CNTN4: variants seen among roughly 807,000 people sequenced by gnomAD.
CNTN4 encodes the protein contactin 4.
Under a neutral mutation model 122.5 loss-of-function variants are expected in CNTN4, and 77 were observed. The observed-to-expected ratio is 0.63, with a 90% CI of 0.52 to 0.76. CNTN4 has a LOEUF of 0.76. Ranked by LOEUF, CNTN4 falls within the 30% of genes least tolerant of loss-of-function variation. CNTN4 has a pLI of 0.00. For missense variants in CNTN4, 1,256 were observed against 1,259.1 expected (o/e 1.00, Z 0.04); for synonymous variants, 512 against 447.0 (o/e 1.15, Z -1.83).
At chr3:2,792,030 CATT>C (rs1275475283) in intron 6 of CNTN4, among the ~76,000 whole-genome samples, 2 of 152,170 alleles carry the variant, frequency 1.3e-5, no homozygotes, top group Non-Finnish European at 2.9e-5. Context: ...CCGTGGCACA[CATT>C]TACCTGTGTA....
intron 2 of CNTN4, among the ~76,000 whole-genome samples, chr3:2,307,613 GT>G (rs34953174): frequency 6.6e-6 from 1 of 151,682 alleles, no homozygotes; most frequent in Non-Finnish European, 1.5e-5. Context: ...TTCCTTGAGT[GT>G]TTTTTTATCA....
intron 3 of CNTN4, among the ~76,000 whole-genome samples, chr3:2,552,283 A>G (rs2078540814): frequency 6.6e-6 from 1 of 152,220 alleles, no homozygotes; most frequent in Non-Finnish European, 1.5e-5. Context: ...CGTTTTAGGA[A>G]TGCTGTAGAT....
At chr3:2,679,418 T>C (rs1483512356) in intron 4 of CNTN4, among the ~76,000 whole-genome samples, 1 of 152,148 alleles carries the variant, frequency 6.6e-6, no homozygotes, top group Non-Finnish European at 1.5e-5. Context: ...GCTCATTTTT[T>C]CTTAGTTGAT....
intron 3 of CNTN4, among the ~76,000 whole-genome samples, chr3:2,507,509 G>A (rs1477447787): frequency 6.6e-6 from 1 of 151,870 alleles, no homozygotes; most frequent in African/African-American, 2.4e-5. Flanking sequence ...GATCTTGTGG[G>A]CAGATCACAA....
At chr3:2,310,126 G>A (rs1451487330) in intron 2 of CNTN4, among the ~76,000 whole-genome samples, 1 of 151,986 alleles carries the variant, frequency 6.6e-6, no homozygotes, top group Non-Finnish European at 1.5e-5. Context: ...CCAGATGGAT[G>A]GATGGATGAA....
chr3:2,256,855 C>G (rs1309126291), intron 2 of CNTN4, among the ~76,000 whole-genome samples: 5 of 152,100 alleles, frequency 3.3e-5, no homozygotes, highest in Non-Finnish European at 1.5e-5. Flanking sequence ...ATGAAAATGG[C>G]CATAAGGTAA....
chr3:2,766,825 G>T (rs1251273417), intron 6 of CNTN4, among the ~76,000 whole-genome samples: 1 of 152,156 alleles, frequency 6.6e-6, no homozygotes, highest in Non-Finnish European at 1.5e-5. Context: ...TTCGCCATAT[G>T]TCTCTTTTAT....
At chr3:2,575,809 CTTTTTT>C (rs56303805) in intron 4 of CNTN4, among the ~76,000 whole-genome samples, 1,023 of 101,032 alleles carry the variant, frequency 0.01, 4 homozygotes, top group African/African-American at 0.032. Context: ...TCTTCTTCTT[CTTTTTT>C]TTTTTTTTTT....
intron 2 of CNTN4, among the ~76,000 whole-genome samples, chr3:2,208,918 A>G (rs531845217): frequency 9.2e-5 from 14 of 152,158 alleles, no homozygotes; most frequent in East Asian, 3.9e-4. Flanking sequence ...CTAAAAAACA[A>G]TGCACACCAG....
At chr3:2,182,854 G>C (rs1275400270) in intron 2 of CNTN4, among the ~76,000 whole-genome samples, 2 of 151,304 alleles carry the variant, frequency 1.3e-5, no homozygotes, top group South Asian at 2.1e-4. Context: ...CTCCTGAATG[G>C]TTTTGTTCAA....
At position 2,937,353 on chromosome 3, in the gene CNTN4, C is replaced by A. The variant is rs2094575911; in HGVS notation, c.1358+11574C>A. On this transcript the variant is annotated intron_variant, in intron 13 of 24. Transcript: ENST00000418658. Reference sequence around the variant, plus strand: ...CTGAACTCCCTGGAGAAATCAGAGCCCAAGGGAGCTTTAAATGTGAAGACA... The same window carrying A: ...CTGAACTCCCTGGAGAAATCAGAGCACAAGGGAGCTTTAAATGTGAAGACA... 2.6e-5 allele frequency among the ~76,000 whole-genome samples: 4 copies of A among 151,986 alleles called. No homozygotes were observed. In the South Asian group the frequency reaches 8.3e-4, roughly 32 times the overall value.
chr3:2,130,828 G>A (rs117031199), intron 2 of CNTN4, among the ~76,000 whole-genome samples: 8 of 152,256 alleles, frequency 5.3e-5, no homozygotes, highest in East Asian at 1.9e-4. Flanking sequence ...ATTTTAGAAC[G>A]GTAGTATGCT....
chr3:2,248,610 T>C (rs986428827), intron 2 of CNTN4, among the ~76,000 whole-genome samples: 1 of 152,002 alleles, frequency 6.6e-6, no homozygotes, highest in African/African-American at 2.4e-5. Flanking sequence ...CAATCAAAGC[T>C]CTACAAGCCT....
rs1310118644 is a variant in CNTN4, at chr3:2,736,295, G to T, written c.136G>T (p.Val46Leu). The T allele has an allele frequency of 6.2e-7, 1 of 1,613,720 alleles. No individual in the cohort carries two copies. The highest frequency in any genetic ancestry group is 1.3e-5 in the African/African-American group (1 of 74,986). The change falls in exon 5 of 25, where the codon GTG becomes TTG. Residue 46 changes from valine (V) to leucine (L), a missense_variant. Physicochemically the swap from Val to Leu is conservative, Grantham distance 32. Coordinates refer to ENST00000418658, the MANE Select transcript of CNTN4 (RefSeq NM_175607.3). ...CCCTTTGGATTCTGAGGAGAAAAAA[G>T]TGAAGCTCAATTGTGAAGTTAAAGG... is the stretch of plus-strand genomic sequence containing the variant. ...MFPLDSEEKK[V>L]KLNCEVKGNP...
At chr3:2,360,614 G>A (rs866855125) in intron 3 of CNTN4, among the ~76,000 whole-genome samples, 35 of 152,128 alleles carry the variant, frequency 2.3e-4, no homozygotes, top group African/African-American at 7.7e-4. Flanking sequence ...GGAGGCCTCA[G>A]GAAACTTAAA....
intron 3 of CNTN4, among the ~76,000 whole-genome samples, chr3:2,487,376 C>T (rs2076192693): frequency 6.6e-6 from 1 of 152,100 alleles, no homozygotes; most frequent in Non-Finnish European, 1.5e-5. Context: ...GGAAAGCCAC[C>T]TTTTGTCCAG....
intron 3 of CNTN4, among the ~76,000 whole-genome samples, chr3:2,369,464 G>C (rs571265673): frequency 2.2e-4 from 34 of 152,280 alleles, no homozygotes; most frequent in African/African-American, 7.0e-4. Flanking sequence ...GATATGAAGA[G>C]CAAGAGGCTC....
intron 3 of CNTN4, among the ~76,000 whole-genome samples, chr3:2,507,337 T>G (rs995970874): frequency 6.6e-6 from 1 of 151,628 alleles, no homozygotes; most frequent in East Asian, 1.9e-4. Flanking sequence ...AAAATCAGGG[T>G]TTTTTTTAAA....
At chr3:2,209,829 G>T (rs1476097305) in intron 2 of CNTN4, among the ~76,000 whole-genome samples, 1 of 152,060 alleles carries the variant, frequency 6.6e-6, no homozygotes, top group Non-Finnish European at 1.5e-5. Flanking sequence ...GAAACAGGCA[G>T]TGTTCTAAAT....
Sources: allele counts gnomAD v4.1 joint callset (sites outside exome capture counted in the v4.1 genomes callset), GRCh38; gene constraint gnomAD v4.1.1; transcripts MANE v1.5; gene names NCBI Gene and HGNC (gene_info 2026-07-23, HGNC 2026-07-21).